The following CDH12 variants were observed in gnomAD, a reference collection of about 807,000 sequenced individuals.
CDH12 encodes the protein cadherin 12.
A neutral mutation model predicts 74.1 loss-of-function variants in CDH12; 41 were observed. The observed-to-expected ratio is 0.55, with a 90% confidence interval of 0.43 to 0.72. CDH12 has a LOEUF of 0.72. Among genes scored for constraint, CDH12 ranks in the 30% least tolerant of loss-of-function variants. The pLI, the probability that CDH12 is intolerant of heterozygous loss-of-function variation, is 0.00. For missense variants in CDH12, 945 were observed against 977.2 expected (o/e 0.97, Z 0.44); for synonymous variants, 399 against 355.0 (o/e 1.12, Z -1.39).
intron 8 of CDH12, among the ~76,000 whole-genome samples, chr5:21,835,196 C>T (rs546189901): frequency 6.6e-6 from 1 of 151,868 alleles, no homozygotes; most frequent in East Asian, 1.9e-4. Context: ...TAGCAGATTG[C>T]CTTCTCTGGA....
At chr5:22,730,119 C>T (rs1744359356) in intron 1 of CDH12, among the ~76,000 whole-genome samples, 1 of 151,748 alleles carries the variant, frequency 6.6e-6, no homozygotes, top group South Asian at 2.1e-4. Context: ...TATTGGACCT[C>T]ATTTTATATT....
Position 22,333,604 on chromosome 5 carries a change from G to A in CDH12, c.-333+71653C>T, listed in dbSNP as rs1016484958. ...ACTCTAACTGTTGTGAAAAATAGAG[G>A]AGGAGGGGACACTATCAAATGCATT... On this transcript the variant is annotated intron_variant, in intron 3 of 14. Coordinates refer to ENST00000382254, the MANE Select transcript of CDH12 (RefSeq NM_004061.5). Among the ~76,000 whole-genome samples the A allele has an allele frequency of 2.6e-5, 4 of 152,262 alleles. No homozygotes were observed. In the South Asian group the frequency reaches 6.2e-4, roughly 24 times the overall value.
intron 1 of CDH12, among the ~76,000 whole-genome samples, chr5:22,736,707 A>C (rs879555949): frequency 6.6e-6 from 1 of 151,744 alleles, no homozygotes; most frequent in Admixed American, 6.6e-5. Flanking sequence ...CTGAAGGCTG[A>C]AAGTTTAAAC....
intron 1 of CDH12, among the ~76,000 whole-genome samples, chr5:22,751,337 T>TAC (rs1220936311): frequency 1.7e-5 from 1 of 59,318 alleles, no homozygotes; most frequent in African/African-American, 5.7e-5. Context: ...ATATATAATA[T>TAC]ACATATATAT....
chr5:22,821,770 T>A (rs1193426296), intron 1 of CDH12, among the ~76,000 whole-genome samples: 7 of 151,052 alleles, frequency 4.6e-5, no homozygotes, highest in African/African-American at 1.7e-4. Context: ...TGCTCATGGG[T>A]AGGAAGAATC....
chr5:22,743,260 T>TTATATACATA (rs1553997521), intron 1 of CDH12, among the ~76,000 whole-genome samples: 1 of 90,422 alleles, frequency 1.1e-5, no homozygotes, highest in Non-Finnish European at 2.3e-5. Context: ...AGCATGGAGA[T>TTATATACATA]TATATATATA....
intron 2 of CDH12, among the ~76,000 whole-genome samples, chr5:22,462,884 C>A (rs1471910696): frequency 2.0e-5 from 3 of 152,028 alleles, no homozygotes; most frequent in African/African-American, 4.8e-5. Flanking sequence ...GTTAATTAGA[C>A]AATTAGCAAG....
intron 6 of CDH12, among the ~76,000 whole-genome samples, chr5:21,961,538 T>G (rs1756364079): frequency 6.6e-6 from 1 of 152,164 alleles, no homozygotes; most frequent in African/African-American, 2.4e-5. Context: ...TAATTAAGGA[T>G]GCGACCTTAT....
At chr5:22,387,392 C>T (rs1285791105) in intron 3 of CDH12, among the ~76,000 whole-genome samples, 1 of 152,016 alleles carries the variant, frequency 6.6e-6, no homozygotes, top group Non-Finnish European at 1.5e-5. Flanking sequence ...CTTGTTGACT[C>T]CAAAACCCTT....
intron 1 of CDH12, among the ~76,000 whole-genome samples, chr5:22,749,364 A>C (rs1745449456): frequency 6.6e-6 from 1 of 152,220 alleles, no homozygotes; most frequent in Admixed American, 6.5e-5. Flanking sequence ...TGCTTTACTA[A>C]GGTGGGGCAA....
chr5:22,544,918 GTTC>G lies in CDH12; in HGVS notation c.-522-39557_-522-39555del, dbSNP rs539973515. Among the ~76,000 whole-genome samples, 370 of 152,084 alleles carry G rather than the reference GTTC, an allele frequency of 2.4e-3. 1 individual carries two copies. Among genetic ancestry groups the G allele is most frequent in the Middle Eastern group, 0.01 (3 of 294 alleles). On this transcript the variant is annotated intron_variant, in intron 1 of 14. Transcript: ENST00000382254. ...ACTGAAAGAAGAGGCTACAGGTGAC[GTTC>G]TTTTTTAAATCAGAGACAGCTCAAT...
intron 3 of CDH12, among the ~76,000 whole-genome samples, chr5:22,255,200 G>A (rs540644374): frequency 6.6e-6 from 1 of 151,644 alleles, no homozygotes; most frequent in Non-Finnish European, 1.5e-5. Flanking sequence ...AGGTCTAAAG[G>A]GAAAGTGGGA....
At chr5:21,827,614 T>C (rs1385721083) in intron 8 of CDH12, among the ~76,000 whole-genome samples, 1 of 152,176 alleles carries the variant, frequency 6.6e-6, no homozygotes, top group Non-Finnish European at 1.5e-5. Flanking sequence ...TAAATGCCTA[T>C]CTGCAAAACT....
intron 6 of CDH12, among the ~76,000 whole-genome samples, chr5:21,948,818 G>C (rs967176731): frequency 5.3e-5 from 8 of 152,146 alleles, no homozygotes; most frequent in African/African-American, 1.9e-4. Flanking sequence ...AAGGTGATTG[G>C]ATCATGTGGG....
At chr5:22,371,279 T>C (rs1741275982) in intron 3 of CDH12, among the ~76,000 whole-genome samples, 1 of 152,120 alleles carries the variant, frequency 6.6e-6, no homozygotes, top group Admixed American at 6.5e-5. Flanking sequence ...AGTACAAAGA[T>C]TGTCAAATAA....
intron 10 of CDH12, among the ~76,000 whole-genome samples, chr5:21,791,949 G>A (rs764621331): frequency 1.3e-5 from 2 of 152,028 alleles, no homozygotes; most frequent in Non-Finnish European, 2.9e-5. Flanking sequence ...AAAGGAACTT[G>A]ATGGTACCAA....
intron 1 of CDH12, among the ~76,000 whole-genome samples, chr5:22,734,421 C>A (rs1268222140): frequency 6.6e-6 from 1 of 151,796 alleles, no homozygotes; most frequent in East Asian, 1.9e-4. Flanking sequence ...TACTGGGAAA[C>A]CCTAATCTAG....
At chr5:22,416,252 T>G (rs1743386651) in intron 2 of CDH12, among the ~76,000 whole-genome samples, 1 of 151,186 alleles carries the variant, frequency 6.6e-6, no homozygotes, top group Admixed American at 6.6e-5. Context: ...TTTTTTTGTA[T>G]TTTTAGTAGA....
chr5:22,791,150 A>G (rs894036860), intron 1 of CDH12, among the ~76,000 whole-genome samples: 1 of 152,182 alleles, frequency 6.6e-6, no homozygotes, highest in African/African-American at 2.4e-5. Flanking sequence ...AACAATATAT[A>G]TCAATTACAT....
Sources: gnomAD v4.1 joint callset for allele counts (sites outside exome capture counted in the v4.1 genomes callset) on GRCh38, gnomAD v4.1.1 for gene constraint, MANE v1.5 for transcripts, NCBI Gene and HGNC (gene_info 2026-07-23, HGNC 2026-07-21) for gene names.